The following SUSD6 variants were observed in gnomAD, a reference collection of about 807,000 sequenced individuals.
SUSD6 encodes sushi domain-containing protein 6.
In SUSD6, 16 loss-of-function variants were observed where a neutral mutation model predicts 28.4. The ratio of observed to expected loss-of-function variants is 0.56; its 90% confidence interval spans 0.38 to 0.86. The LOEUF (loss-of-function observed/expected upper bound fraction) is 0.86. Among genes scored for constraint, SUSD6 ranks in the 40% least tolerant of loss-of-function variants. The pLI, the probability that SUSD6 is intolerant of heterozygous loss-of-function variation, is 0.00. For synonymous variants in SUSD6, 147 were observed against 159.6 expected (o/e 0.92, Z 0.59); for missense variants, 341 against 384.2 (o/e 0.89, Z 0.94).
intron 2 of SUSD6, among the ~76,000 whole-genome samples, chr14:69,683,501 G>A (rs772971902): frequency 6.6e-6 from 1 of 152,186 alleles, no homozygotes; most frequent in Non-Finnish European, 1.5e-5. Context: ...ATTGGGCCTT[G>A]CATTATGGAT....
At chr14:69,633,425 G>A (rs3784145) in intron 1 of SUSD6, among the ~76,000 whole-genome samples, 5 of 152,260 alleles carry the variant, frequency 3.3e-5, no homozygotes, top group South Asian at 2.1e-4. Context: ...CCTGCCACCC[G>A]CTATCTAGCA....
intron 2 of SUSD6, among the ~76,000 whole-genome samples, chr14:69,689,161 T>C (rs1886117501): frequency 6.6e-6 from 1 of 152,240 alleles, no homozygotes; most frequent in African/African-American, 2.4e-5. Context: ...ATACCATTTC[T>C]ACAATCTTCT....
chr14:69,688,199 A>G (rs1487039432), intron 2 of SUSD6, among the ~76,000 whole-genome samples: 2 of 152,170 alleles, frequency 1.3e-5, no homozygotes, highest in African/African-American at 2.4e-5. Context: ...TTGACCCTCT[A>G]TCTCCCAAAT....
At chr14:69,657,415 A>G (rs1885598992) in intron 1 of SUSD6, among the ~76,000 whole-genome samples, 2 of 151,968 alleles carry the variant, frequency 1.3e-5, no homozygotes, top group Non-Finnish European at 2.9e-5. Flanking sequence ...AGATTGTGCC[A>G]TTGCACTCTA....
At chr14:69,630,583 A>G (rs1885178614) in intron 1 of SUSD6, among the ~76,000 whole-genome samples, 1 of 152,140 alleles carries the variant, frequency 6.6e-6, no homozygotes, top group African/African-American at 2.4e-5. Flanking sequence ...CACAGAGGAA[A>G]AACCTTAAAG....
In SUSD6 at chr14:69,712,853, A is replaced by AG. The variant is rs1886484934; in HGVS notation, c.*1876dup. ...AGCCCTCATCTGCTGTGCTGAGTCC[A>AG]GGAAAGCATAGTTAGGTAGGGAGCT... On this transcript the variant is annotated 3_prime_UTR_variant, in exon 6 of 6. Transcript: ENST00000342745. The AG allele has an allele frequency of 1.3e-5, 2 of 152,566 alleles. No individual in the cohort carries two copies. The highest frequency in any genetic ancestry group is 4.8e-5 in the African/African-American group (2 of 41,436). The allele number at this position is 152,566 out of a possible 1,614,324, so 9.5% of individuals were successfully genotyped here. A position where few individuals can be genotyped will look rare whatever the true frequency, so the allele number is the denominator to read the frequency against.
At position 69,714,897 on chromosome 14, in the gene SUSD6, C is replaced by G. The variant is rs1294435796; in HGVS notation, c.*3918C>G. On this transcript the variant is annotated 3_prime_UTR_variant, in exon 6 of 6. Coordinates refer to ENST00000342745, the MANE Select transcript of SUSD6 (RefSeq NM_014734.4). The stretch of plus-strand genomic sequence containing the variant: ...TCAGGTTATCGCACCACTATGGAAT[C>G]CTTTGCAGAATGGTACTCATATAAT... 6.6e-6 allele frequency: 1 copy of G among 152,170 alleles called. No homozygotes were observed. Among genetic ancestry groups the G allele is most frequent in the Non-Finnish European group, 1.5e-5 (1 of 68,042 alleles). 9.4% of individuals were successfully genotyped at this position (152,170 alleles called of 1,614,324 possible). A position where few individuals can be genotyped will look rare whatever the true frequency, so the allele number is the denominator to read the frequency against.
intron 1 of SUSD6, among the ~76,000 whole-genome samples, chr14:69,654,187 G>C (rs1444600074): frequency 6.6e-6 from 1 of 152,096 alleles, no homozygotes; most frequent in Non-Finnish European, 1.5e-5. Flanking sequence ...AACTGATCAG[G>C]AACTCATACA....
intron 2 of SUSD6, among the ~76,000 whole-genome samples, chr14:69,662,205 G>A (rs1237016939): frequency 6.6e-6 from 1 of 152,052 alleles, no homozygotes; most frequent in Non-Finnish European, 1.5e-5. Context: ...GTAGACCCTG[G>A]CTATATGCGT....
intron 2 of SUSD6, among the ~76,000 whole-genome samples, chr14:69,663,981 T>C (rs553212557): frequency 3.3e-5 from 5 of 151,776 alleles, no homozygotes; most frequent in South Asian, 2.1e-4. Context: ...TTGTTTCTTT[T>C]TTTTTTTTTT....
chr14:69,676,130 C>G (rs983501640), intron 2 of SUSD6, among the ~76,000 whole-genome samples: 4 of 152,028 alleles, frequency 2.6e-5, no homozygotes, highest in African/African-American at 9.7e-5. Context: ...GTACTGAATG[C>G]TATTAGAAAG....
intron 1 of SUSD6, among the ~76,000 whole-genome samples, chr14:69,628,537 G>A (rs1885148261): frequency 6.6e-6 from 1 of 152,202 alleles, no homozygotes; most frequent in Non-Finnish European, 1.5e-5. Flanking sequence ...CCCCTGGGGA[G>A]TGGGAAAAGG....
chr14:69,621,707 G>A (rs1385678396), intron 1 of SUSD6, among the ~76,000 whole-genome samples: 2 of 152,186 alleles, frequency 1.3e-5, no homozygotes, highest in Admixed American at 6.5e-5. Flanking sequence ...CAGGTTGCAG[G>A]CAAGGAAGTA....
chr14:69,668,377 G>C (rs903332974), intron 2 of SUSD6, among the ~76,000 whole-genome samples: 6 of 152,292 alleles, frequency 3.9e-5, no homozygotes, highest in African/African-American at 1.4e-4. Context: ...GCTCATGCCT[G>C]TAATCCCAGC....
chr14:69,620,190 C>A (rs1025427288), intron 1 of SUSD6, among the ~76,000 whole-genome samples: 1 of 152,232 alleles, frequency 6.6e-6, no homozygotes. Flanking sequence ...CGTCTGCCTC[C>A]TTGTTTCTGT....
chr14:69,655,704 G>A (rs1395720152), intron 1 of SUSD6, among the ~76,000 whole-genome samples: 1 of 152,024 alleles, frequency 6.6e-6, no homozygotes, highest in Non-Finnish European at 1.5e-5. Context: ...GGATGCTGAA[G>A]CAGAAGGATT....
intron 2 of SUSD6, among the ~76,000 whole-genome samples, chr14:69,671,557 TCACAAATTCC>T (rs1885832892): frequency 6.6e-6 from 1 of 152,168 alleles, no homozygotes; most frequent in African/African-American, 2.4e-5. Flanking sequence ...TTATCTGGCG[TCACAAATTCC>T]ATGGGGAGGC....
intron 2 of SUSD6, among the ~76,000 whole-genome samples, chr14:69,663,751 T>A (rs1255972133): frequency 1.3e-5 from 2 of 152,210 alleles, no homozygotes; most frequent in African/African-American, 4.8e-5. Context: ...GGATTTGTGC[T>A]CAGTATGTCT....
At chr14:69,624,818 G>A (rs1885092348) in intron 1 of SUSD6, among the ~76,000 whole-genome samples, 1 of 152,132 alleles carries the variant, frequency 6.6e-6, no homozygotes, top group Non-Finnish European at 1.5e-5. Context: ...ATAGAAGGGT[G>A]GCTACCAAAA....
Sources: gnomAD v4.1 joint callset for allele counts (sites outside exome capture counted in the v4.1 genomes callset) on GRCh38, gnomAD v4.1.1 for gene constraint, MANE v1.5 for transcripts, NCBI Gene and HGNC (gene_info 2026-07-23, HGNC 2026-07-21) for gene names.